KCTD10: variants seen among roughly 807,000 people sequenced by gnomAD.
KCTD10 encodes potassium channel tetramerization domain containing 10.
Under a neutral mutation model 34.6 loss-of-function variants are expected in KCTD10, and 13 were observed. The observed-to-expected ratio is 0.38, with a 90% CI of 0.24 to 0.60. The LOEUF is 0.60. Among genes scored for constraint, KCTD10 ranks in the 20% least tolerant of loss-of-function variants. The pLI is 0.66. For synonymous variants in KCTD10, 156 were observed against 168.8 expected, an observed-to-expected ratio of 0.92 and a Z score of 0.59; for missense variants, 256 against 420.3, an observed-to-expected ratio of 0.61 and a Z score of 3.42.
intron 1 of KCTD10, among the ~76,000 whole-genome samples, chr12:109,475,560 G>A (rs775915235): frequency 2.6e-5 from 4 of 152,154 alleles, no homozygotes; most frequent in Admixed American, 1.3e-4. Context: ...TCAGAGATGC[G>A]GAGGGGTGGC....
chr12:109,452,069 A>G (rs1872801243), intron 6 of KCTD10, among the ~76,000 whole-genome samples: 1 of 152,130 alleles, frequency 6.6e-6, no homozygotes, highest in Admixed American at 6.5e-5. Context: ...GTTTCTCATC[A>G]TTTTACCCTC....
rs1475956292 is a variant in KCTD10 at position 109,451,730 on chromosome 12, A to G, written c.807T>C (p.Asn269=). ...YEAQDGRGPD[N]ALLEATGGAA... is the part of the protein sequence containing the mutation. ...CCCCGCCTGTGGCCTCCAGGAGCGC[A>G]TTGTCAGGTCCCCGGCCATCCTGGG... is the stretch of plus-strand genomic sequence containing the variant. The change falls in exon 7 of 7, where the codon AAT becomes AAC. Residue 269 remains asparagine, a synonymous_variant. Transcript: ENST00000228495. This position sits in a 1 kb window ranked among gnomAD's most constrained non-coding sequence, Gnocchi z 5.0. The G allele has an allele frequency of 6.2e-7, 1 of 1,614,006 alleles. No individual in the cohort carries two copies. The highest frequency in any genetic ancestry group is 8.5e-7 in the Non-Finnish European group (1 of 1,180,004).
intron 6 of KCTD10, among the ~76,000 whole-genome samples, chr12:109,453,673 C>T (rs1226564806): frequency 6.6e-6 from 1 of 152,156 alleles, no homozygotes; most frequent in Non-Finnish European, 1.5e-5. Context: ...AAAATACAGG[C>T]ATGGTTACAG....
intron 5 of KCTD10, 68 bp from the exon 6 acceptor site, chr12:109,456,381 T>C: frequency 7.2e-7 from 1 of 1,397,194 alleles, no homozygotes; most frequent in African/African-American, 1.4e-5. Context: ...TGGGCCCTTC[T>C]ACACGCAGGG....
intron 2 of KCTD10, among the ~76,000 whole-genome samples, chr12:109,466,996 G>A (rs1047952784): frequency 4.6e-5 from 7 of 152,194 alleles, no homozygotes; most frequent in Admixed American, 2.0e-4. Context: ...CGACAGGATC[G>A]CTCTGCCAGA....
chr12:109,468,675 C>CG (rs1203505444), intron 2 of KCTD10, among the ~76,000 whole-genome samples: 1 of 125,402 alleles, frequency 8.0e-6, no homozygotes, highest in Non-Finnish European at 1.7e-5. Flanking sequence ...TTTTTTGAGA[C>CG]GGAGTCTCGC....
In KCTD10 at chr12:109,450,508, A is replaced by T; in HGVS notation, c.*1087T>A. 1 of 397,576 alleles carries T rather than the reference A, an allele frequency of 2.5e-6. No individual in the cohort carries two copies. Among genetic ancestry groups the T allele is most frequent in the Non-Finnish European group, 4.4e-6 (1 of 225,656 alleles). 24.6% of individuals were successfully genotyped at this position (397,576 alleles called of 1,614,324 possible). On this transcript the variant is annotated 3_prime_UTR_variant, in exon 7 of 7. Coordinates refer to ENST00000228495, the MANE Select transcript of KCTD10 (RefSeq NM_031954.5). ...GCTGGCCACTCTACACTGTGTAAAA[A>T]TCAGAGGCAAAGACAAGGGGGTCTG...
chr12:109,455,892 A>G (rs2302709), intron 6 of KCTD10, among the ~76,000 whole-genome samples: 25,771 of 152,186 alleles, frequency 0.17, 2,243 homozygotes, highest in African/African-American at 0.18. Flanking sequence ...GGAGTCAAGC[A>G]TGCTTGGAAG....
chr12:109,454,977 A>G (rs1035650069), intron 6 of KCTD10, among the ~76,000 whole-genome samples: 4 of 152,096 alleles, frequency 2.6e-5, no homozygotes, highest in Non-Finnish European at 4.4e-5. Context: ...CAGCCCAGGT[A>G]TATTTTTAAA....
At chr12:109,453,785 G>C (rs1299719550) in intron 6 of KCTD10, among the ~76,000 whole-genome samples, 1 of 152,210 alleles carries the variant, frequency 6.6e-6, no homozygotes, top group Non-Finnish European at 1.5e-5. Flanking sequence ...GAGAAGAGGA[G>C]CTTGAGAAAG....
chr12:109,460,717 G>C lies in KCTD10; in HGVS notation c.306C>G (p.Arg102=), dbSNP rs755814378. 6.2e-7 allele frequency: 1 copy of C among 1,614,160 alleles called. No individual in the cohort carries two copies. Among genetic ancestry groups the C allele is most frequent in the Non-Finnish European group, 8.5e-7 (1 of 1,180,026 alleles). ...RDGAVPLPES[R]REIEELLAEA... ...CTGCTAGCAGCTCCTCGATCTCCCGGCGGCTCTCGGGTAAAGGCACCGCCC... is the reference window on the plus strand; with the variant it reads ...CTGCTAGCAGCTCCTCGATCTCCCGCCGGCTCTCGGGTAAAGGCACCGCCC... Residue 102 remains arginine (R), a synonymous_variant, in exon 3 of 7, where the codon CGC becomes CGG. Coordinates refer to ENST00000228495, the MANE Select transcript of KCTD10 (RefSeq NM_031954.5). This position sits in a 1 kb window ranked among gnomAD's most constrained non-coding sequence, Gnocchi z 4.5.
chr12:109,456,040 T>A, intron 6 of KCTD10, 78 bp downstream of exon 6: 1 of 1,344,686 alleles, frequency 7.4e-7, no homozygotes, highest in African/African-American at 1.4e-5. Context: ...TCCCTCTGTA[T>A]TGGGCTCAAG....
chr12:109,476,987 C>G (rs891787395), intron 1 of KCTD10, among the ~76,000 whole-genome samples: 2 of 152,172 alleles, frequency 1.3e-5, no homozygotes, highest in Non-Finnish European at 2.9e-5. Flanking sequence ...ACCCCTTCCT[C>G]ACGCACACAC....
intron 1 of KCTD10, among the ~76,000 whole-genome samples, chr12:109,475,553 GA>G (rs1874138014): frequency 6.6e-6 from 1 of 152,144 alleles, no homozygotes; most frequent in South Asian, 2.1e-4. Context: ...CAGTATCTCA[GA>G]GATGCGGAGG....
intron 1 of KCTD10, chr12:109,470,982 C>G (rs1307294247): frequency 1.5e-5 from 5 of 337,510 alleles, no homozygotes; most frequent in Non-Finnish European, 1.7e-5. Flanking sequence ...CACAAGCCCA[C>G]AGCCCTTCTC....
At chr12:109,469,421 C>T in intron 2 of KCTD10, 94 bp downstream of exon 2, 2 of 1,468,394 alleles carry the variant, frequency 1.4e-6, no homozygotes, top group South Asian at 1.3e-5. Flanking sequence ...TCCTACACAT[C>T]TTCAGGTCTC....
chr12:109,469,271 C>G, intron 2 of KCTD10: 1 of 528,690 alleles, frequency 1.9e-6, no homozygotes, highest in Admixed American at 3.4e-5. Context: ...CTCTCTCCCC[C>G]AGGCTTGAGT....
intron 2 of KCTD10, among the ~76,000 whole-genome samples, chr12:109,462,724 G>C (rs1013677149): frequency 5.9e-5 from 9 of 152,200 alleles, no homozygotes; most frequent in African/African-American, 1.7e-4. Context: ...CAAGAGCTGT[G>C]AGCTCTGATG....
chr12:109,466,904 T>C (rs1308562764), intron 2 of KCTD10, among the ~76,000 whole-genome samples: 3 of 152,240 alleles, frequency 2.0e-5, no homozygotes, highest in Non-Finnish European at 4.4e-5. Flanking sequence ...GCAGGGAGTC[T>C]ATCCCAGTTT....
Sources: gnomAD v4.1 joint callset for allele counts (sites outside exome capture counted in the v4.1 genomes callset) on GRCh38, gnomAD v4.1.1 for gene constraint, Gnocchi (gnomAD v3.1) non-coding constraint, MANE v1.5 for transcripts, NCBI Gene and HGNC (gene_info 2026-07-23, HGNC 2026-07-21) for gene names.